ZNF385D: variants seen among roughly 807,000 people sequenced by gnomAD.
ZNF385D encodes the protein zinc finger protein 659.
Under a neutral mutation model 35.8 loss-of-function variants are expected in ZNF385D, and 15 were observed. The ratio of observed to expected loss-of-function variants is 0.42; its 90% confidence interval spans 0.28 to 0.64. The LOEUF (loss-of-function observed/expected upper bound fraction) is 0.64. Ranked by LOEUF, ZNF385D falls within the 30% of genes least tolerant of loss-of-function variation. The probability of loss-of-function intolerance (pLI) is 0.23; values close to 1 mark genes in which losing one functional copy is unlikely to be tolerated. For missense variants in ZNF385D, 474 were observed against 494.6 expected (o/e 0.96, Z 0.39); for synonymous variants, 212 against 186.8 (o/e 1.13, Z -1.10).
intron 1 of ZNF385D, among the ~76,000 whole-genome samples, chr3:21,667,388 C>G (rs973373284): frequency 3.3e-5 from 5 of 152,156 alleles, no homozygotes; most frequent in African/African-American, 1.2e-4. Flanking sequence ...TCTCAAACTC[C>G]TGAGCTCAAG....
chr3:21,865,192 A>G (rs1697280447), intron 3 of ZNF385D, among the ~76,000 whole-genome samples: 2 of 151,014 alleles, frequency 1.3e-5, no homozygotes, highest in Non-Finnish European at 2.9e-5. Context: ...TAATTAGAGT[A>G]TTTGCTATGC....
chr3:21,946,605 G>A (rs1575981394), intron 3 of ZNF385D, among the ~76,000 whole-genome samples: 1 of 152,276 alleles, frequency 6.6e-6, no homozygotes, highest in African/African-American at 2.4e-5. Flanking sequence ...GCTGAGGCAA[G>A]TGGATCACTT....
intron 3 of ZNF385D, among the ~76,000 whole-genome samples, chr3:21,780,431 C>A (rs2071444381): frequency 6.6e-6 from 1 of 151,958 alleles, no homozygotes; most frequent in Non-Finnish European, 1.5e-5. Flanking sequence ...TACTGCGCAG[C>A]CCTCACGTTC....
At chr3:21,845,980 C>T (rs1362812176) in intron 3 of ZNF385D, among the ~76,000 whole-genome samples, 1 of 152,002 alleles carries the variant, frequency 6.6e-6, no homozygotes, top group Non-Finnish European at 1.5e-5. Flanking sequence ...TTAAAGCATG[C>T]TCACCCTGAG....
At chr3:21,425,243 A>C (rs1033799709) in intron 6 of ZNF385D, among the ~76,000 whole-genome samples, 9 of 152,246 alleles carry the variant, frequency 5.9e-5, no homozygotes, top group African/African-American at 2.2e-4. Context: ...AAAAACTCAC[A>C]GCCAACAATT....
At chr3:21,864,477 A>G (rs1559702734) in intron 3 of ZNF385D, among the ~76,000 whole-genome samples, 1 of 152,066 alleles carries the variant, frequency 6.6e-6, no homozygotes, top group East Asian at 1.9e-4. Flanking sequence ...ATCACTATGA[A>G]CCTCAGTTTC....
intron 3 of ZNF385D, among the ~76,000 whole-genome samples, chr3:22,084,061 T>C (rs1472357153): frequency 2.6e-5 from 4 of 152,122 alleles, no homozygotes; most frequent in Admixed American, 6.6e-5. Context: ...CAGGCCTGTC[T>C]TACAAGAGCT....
intron 2 of ZNF385D, among the ~76,000 whole-genome samples, chr3:21,662,346 T>G (rs542754173): frequency 6.6e-6 from 1 of 152,308 alleles, no homozygotes; most frequent in Non-Finnish European, 1.5e-5. Context: ...CACCAAAGCC[T>G]TATAACCTGT....
chr3:21,500,061 C>T (rs533265806), intron 4 of ZNF385D, among the ~76,000 whole-genome samples: 2 of 152,116 alleles, frequency 1.3e-5, no homozygotes, highest in African/African-American at 2.4e-5. Flanking sequence ...AATCTGAATG[C>T]AATTATGATA....
intron 2 of ZNF385D, among the ~76,000 whole-genome samples, chr3:21,640,756 TGACTAA>T (rs1370827047): frequency 6.6e-6 from 1 of 152,272 alleles, no homozygotes; most frequent in Admixed American, 6.5e-5. Flanking sequence ...AAGCCAGAGC[TGACTAA>T]GACTATTTTC....
Position 21,424,250 on chromosome 3 carries a change from C to CAT in ZNF385D, c.853-188_853-187dup, listed in dbSNP as rs1382419670. 3.2e-4 allele frequency among the ~76,000 whole-genome samples: 33 copies of CAT among 102,556 alleles called. No individual in the cohort carries two copies. The East Asian group carries it at 9.7e-3, about 30-fold the overall frequency. The allele number at this position is 102,556 out of a possible 152,430, so 67.3% of individuals were successfully genotyped here. ...TGAGGATATATATTTTTATGCTATC[C>CAT]ATATATATATTCATATATATACTAT... is the stretch of plus-strand genomic sequence containing the variant. On this transcript the variant is annotated intron_variant, in intron 6 of 7. Transcript: ENST00000281523.
chr3:22,297,263 C>T (rs1702637742), intron 2 of ZNF385D, among the ~76,000 whole-genome samples: 1 of 152,034 alleles, frequency 6.6e-6, no homozygotes, highest in Non-Finnish European at 1.5e-5. Context: ...ACCTATCATA[C>T]ATATGTCTGA....
intron 1 of ZNF385D, among the ~76,000 whole-genome samples, chr3:21,675,210 T>C (rs992821435): frequency 6.6e-6 from 1 of 152,048 alleles, no homozygotes; most frequent in Admixed American, 6.6e-5. Context: ...GAAAAATAAA[T>C]GGCCCAAACA....
chr3:22,359,981 T>C (rs1044046047), intron 2 of ZNF385D, among the ~76,000 whole-genome samples: 5 of 151,910 alleles, frequency 3.3e-5, no homozygotes, highest in African/African-American at 1.2e-4. Context: ...GGAGCCACTT[T>C]TTAAACATGA....
At chr3:21,925,566 C>T (rs909691004) in intron 3 of ZNF385D, among the ~76,000 whole-genome samples, 1 of 151,944 alleles carries the variant, frequency 6.6e-6, no homozygotes, top group Non-Finnish European at 1.5e-5. Context: ...TAGAACTAGT[C>T]AGAGTTCTTG....
At chr3:22,138,079 G>C (rs1057160400) in intron 3 of ZNF385D, among the ~76,000 whole-genome samples, 5 of 152,022 alleles carry the variant, frequency 3.3e-5, no homozygotes, top group South Asian at 2.1e-4. Flanking sequence ...GCTTCAAAGA[G>C]AAGAAAATAC....
rs17009048 is a variant in ZNF385D at position 21,567,599 on chromosome 3, T to C, written c.166-2915A>G. Among the ~76,000 whole-genome samples the C allele has an allele frequency of 2.2e-3, 342 of 152,262 alleles. 8 individuals carry two copies. In the East Asian group the frequency reaches 0.056, roughly 25 times the overall value. ...AAAAATTAAAAGCAGAAAGAGGTCA[T>C]TGACTTACAGGTAGATGCCTTATCA... On this transcript the variant is annotated intron_variant, in intron 2 of 7. Transcript: ENST00000281523.
At chr3:22,331,403 C>T (rs1243023694) in intron 2 of ZNF385D, among the ~76,000 whole-genome samples, 1 of 152,030 alleles carries the variant, frequency 6.6e-6, no homozygotes, top group Non-Finnish European at 1.5e-5. Flanking sequence ...TGGTTATAAA[C>T]AGTAATATGA....
chr3:22,245,547 A>C (rs1699731037), intron 2 of ZNF385D, among the ~76,000 whole-genome samples: 1 of 151,592 alleles, frequency 6.6e-6, no homozygotes, highest in Admixed American at 6.6e-5. Flanking sequence ...TTCCTATTTG[A>C]TTCTCCTTAA....
Sources: allele counts gnomAD v4.1 joint callset (sites outside exome capture counted in the v4.1 genomes callset), GRCh38; gene constraint gnomAD v4.1.1; transcripts MANE v1.5; gene names NCBI Gene and HGNC (gene_info 2026-07-23, HGNC 2026-07-21).